The following LTAP1 variants were observed in gnomAD, a reference collection of about 807,000 sequenced individuals.
LTAP1 encodes the protein HCV NS5A-transactivated protein 4.
chr1:154,212,282 GT>G, the LTAP1 span: 1 of 1,609,576 alleles, frequency 6.2e-7, no homozygotes, highest in Non-Finnish European at 8.5e-7. Flanking sequence ...CAACACTACT[GT>G]ACCAGCTCCC....
At chr1:154,214,230 T>A in the LTAP1 span, among the ~76,000 whole-genome samples, 3 of 151,978 alleles carry the variant, frequency 2.0e-5, no homozygotes, top group African/African-American at 7.3e-5. Context: ...GAGCTGAGAC[T>A]GCACCATTGC....
At chr1:154,211,097 C>T in the LTAP1 span, among the ~76,000 whole-genome samples, 1 of 151,734 alleles carries the variant, frequency 6.6e-6, no homozygotes, top group Non-Finnish European at 1.5e-5. Flanking sequence ...ACCTCCACCT[C>T]CCGGGTTCAA....
At chr1:154,219,864 T>A in the LTAP1 span, 2 of 1,613,774 alleles carry the variant, frequency 1.2e-6, no homozygotes, top group Non-Finnish European at 1.7e-6. Context: ...CACAGGGACA[T>A]GAGGTCCCCT....
At chr1:154,207,583 G>C in the LTAP1 span, 1 of 1,614,036 alleles carries the variant, frequency 6.2e-7, no homozygotes, top group East Asian at 2.2e-5. Flanking sequence ...GACCTCAGGG[G>C]ACTGAGTTAG....
At chr1:154,218,105 T>C in the LTAP1 span, among the ~76,000 whole-genome samples, 6,534 of 152,228 alleles carry the variant, frequency 0.043, 505 homozygotes, top group African/African-American at 0.15. Context: ...TATATAATAA[T>C]TGAAAAGTGG....
chr1:154,209,793 C>T, the LTAP1 span, among the ~76,000 whole-genome samples: 5 of 151,522 alleles, frequency 3.3e-5, no homozygotes, highest in South Asian at 2.1e-4. Context: ...CTGGTTTTCA[C>T]GTTAGCCAGG....
chr1:154,212,230 G>T, the LTAP1 span: 1 of 1,356,656 alleles, frequency 7.4e-7, no homozygotes, highest in Non-Finnish European at 1.1e-6. Context: ...CATGGATTTT[G>T]TTTATATGCT....
the LTAP1 span, among the ~76,000 whole-genome samples, chr1:154,208,754 A>G: frequency 6.6e-6 from 1 of 151,860 alleles, no homozygotes; most frequent in Non-Finnish European, 1.5e-5. Context: ...ATCAAACATA[A>G]TTTTTTGTTT....
the LTAP1 span, among the ~76,000 whole-genome samples, chr1:154,214,993 T>C: frequency 6.6e-6 from 1 of 151,936 alleles, no homozygotes; most frequent in African/African-American, 2.4e-5. Context: ...TATAGGCGCG[T>C]ACGACCATGT....
chr1:154,212,368 T>C, the LTAP1 span: 10 of 1,614,196 alleles, frequency 6.2e-6, no homozygotes, highest in African/African-American at 1.3e-5. Context: ...GTACTCATTC[T>C]GGCCAAAGAC....
the LTAP1 span, among the ~76,000 whole-genome samples, chr1:154,207,932 C>T: frequency 6.6e-6 from 1 of 151,982 alleles, no homozygotes; most frequent in Non-Finnish European, 1.5e-5. Flanking sequence ...GAAACCCTGT[C>T]TCTACTAAAA....
At chr1:154,215,075 C>T in the LTAP1 span, among the ~76,000 whole-genome samples, 1 of 151,964 alleles carries the variant, frequency 6.6e-6, no homozygotes, top group African/African-American at 2.4e-5. Context: ...AAACTCCTGA[C>T]CTCAAGTGAT....
At chr1:154,220,474 C>T in the LTAP1 span, 180 of 1,596,214 alleles carry the variant, frequency 1.1e-4, no homozygotes, top group Middle Eastern at 1.7e-4. Flanking sequence ...GCCCAGGCTC[C>T]GCCGAAGCGA....
the LTAP1 span, among the ~76,000 whole-genome samples, chr1:154,216,953 A>T: frequency 7.0e-6 from 1 of 143,112 alleles, no homozygotes; most frequent in Non-Finnish European, 1.5e-5. Flanking sequence ...CTGGCCTTAA[A>T]TTTTTTTTTT....
At chr1:154,220,489 G>A in the LTAP1 span, 25 of 1,528,744 alleles carry the variant, frequency 1.6e-5, no homozygotes, top group Non-Finnish European at 2.3e-5. Flanking sequence ...AAGCGACGGC[G>A]CCTGGGTCCC....
At chr1:154,218,441 T>C in the LTAP1 span, among the ~76,000 whole-genome samples, 1 of 152,204 alleles carries the variant, frequency 6.6e-6, no homozygotes, top group African/African-American at 2.4e-5. Context: ...AAACTAACCC[T>C]ATGTCTTTCT....
At chr1:154,216,875 C>T in the LTAP1 span, among the ~76,000 whole-genome samples, 4 of 151,748 alleles carry the variant, frequency 2.6e-5, no homozygotes, top group Non-Finnish European at 5.9e-5. Flanking sequence ...TCTCGAACTC[C>T]TGAGCTGACG....
chr1:154,220,194 T>TA, the LTAP1 span: 6 of 1,042,570 alleles, frequency 5.8e-6, no homozygotes, highest in South Asian at 2.7e-5. Flanking sequence ...CTAAGTGACT[T>TA]AAACTCCCAC....
chr1:154,219,471 A>C, the LTAP1 span, among the ~76,000 whole-genome samples: 1 of 152,112 alleles, frequency 6.6e-6, no homozygotes, highest in African/African-American at 2.4e-5. Flanking sequence ...TGTAAAGGTA[A>C]CCCTTCTCAT....
Sources: gnomAD v4.1 joint callset for allele counts (sites outside exome capture counted in the v4.1 genomes callset) on GRCh38, gnomAD v4.1.1 for gene constraint, MANE v1.5 for transcripts, NCBI Gene and HGNC (gene_info 2026-07-23, HGNC 2026-07-21) for gene names.